The following MARCHF7 variants were observed in gnomAD, a reference collection of about 807,000 sequenced individuals.
MARCHF7 encodes E3 ubiquitin-protein ligase MARCHF7.
In MARCHF7, 20 loss-of-function variants were observed where a neutral mutation model predicts 76.5. The ratio of observed to expected loss-of-function variants is 0.26; its 90% CI spans 0.18 to 0.38. The LOEUF is 0.38. Ranked by LOEUF, MARCHF7 falls within the 10% of genes least tolerant of loss-of-function variation. The probability of loss-of-function intolerance (pLI) is 1.00; values close to 1 mark genes in which losing one functional copy is unlikely to be tolerated. For synonymous variants in MARCHF7, 295 were observed against 293.0 expected (o/e 1.01, Z -0.07); for missense variants, 797 against 812.9 (o/e 0.98, Z 0.24).
chr2:159,715,991 T>C (rs1250627141), intron 3 of MARCHF7, among the ~76,000 whole-genome samples: 1 of 152,196 alleles, frequency 6.6e-6, no homozygotes, highest in African/African-American at 2.4e-5. Context: ...GGAGAACAGT[T>C]TGCCTTTTAC....
intron 7 of MARCHF7, 86 bp from the exon 8 acceptor site, chr2:159,752,316 A>C: frequency 7.7e-7 from 1 of 1,299,890 alleles, no homozygotes; most frequent in Non-Finnish European, 1.0e-6. Context: ...AGAAATAACA[A>C]AAAAGAAAGC....
intron 10 of MARCHF7, among the ~76,000 whole-genome samples, chr2:159,763,297 TAAAAC>T (rs1248208071): frequency 1.3e-5 from 2 of 152,134 alleles, no homozygotes; most frequent in Non-Finnish European, 1.5e-5. Context: ...TTTTTATTAT[TAAAAC>T]AAAACCTCAG....
intron 3 of MARCHF7, among the ~76,000 whole-genome samples, chr2:159,726,983 A>G (rs757948400): frequency 2.6e-5 from 4 of 152,260 alleles, no homozygotes; most frequent in Non-Finnish European, 5.9e-5. Context: ...TATATAATCC[A>G]GGTATTAGAC....
chr2:159,764,670 C>G lies in MARCHF7; in HGVS notation c.2052C>G (p.Leu684=), dbSNP rs748722727. 2 of 1,599,926 alleles carry G rather than the reference C, an allele frequency of 1.3e-6. No individual in the cohort carries two copies. The highest frequency in any genetic ancestry group is 1.1e-5 in the South Asian group (1 of 88,748). ...CTCTTCAGGCACATATGGAAGATCT[C>G]GAAAGTAGGTGGAATTTCCCCTCCC... The part of the protein sequence containing the change: ...ARTLQAHMED[L]ETSEDDSEED... The change falls in exon 11 of 12, where the codon CTC becomes CTG. Residue 684 remains leucine, a synonymous_variant. Transcript: ENST00000409175.
chr2:159,760,722 T>G (rs1442902517), intron 9 of MARCHF7, among the ~76,000 whole-genome samples: 3 of 150,136 alleles, frequency 2.0e-5, no homozygotes, highest in African/African-American at 4.9e-5. Flanking sequence ...TTTGTTTTTG[T>G]TTTTGTTTTT....
Position 159,743,139 on chromosome 2 carries a change from TCAAGATC to T in MARCHF7, c.233_239del (p.Ser78CysfsTer32). On this transcript the variant is annotated frameshift_variant, in exon 5 of 12. Transcript: ENST00000409175. LOFTEE classifies it high-confidence loss of function. ...ATCTGAGATAACTCAGGGAGCACGC[TCAAGATC>T]GCAGAACCAGCAACGGGATCATGAT... The T allele has an allele frequency of 6.2e-7, 1 of 1,614,182 alleles. No individual in the cohort carries two copies. Among genetic ancestry groups the T allele is most frequent in the Non-Finnish European group, 8.5e-7 (1 of 1,180,026 alleles).
At position 159,767,440 on chromosome 2, in the gene MARCHF7, C is replaced by G; in HGVS notation, c.*98C>G. The G allele has an allele frequency of 1.3e-6, 1 of 762,486 alleles. No individual in the cohort carries two copies. The highest frequency in any genetic ancestry group is 1.6e-5 in the South Asian group (1 of 62,322). 47.2% of individuals were successfully genotyped at this position (762,486 alleles called of 1,614,324 possible). ...TTTGTGGGGGAATGCCTAATAAATA[C>G]ATTGACTATATATAAAATGAATATA... is the stretch of plus-strand genomic sequence containing the variant. On this transcript the variant is annotated 3_prime_UTR_variant, in exon 12 of 12. Coordinates refer to ENST00000409175, the MANE Select transcript of MARCHF7 (RefSeq NM_001282805.2).
intron 8 of MARCHF7, among the ~76,000 whole-genome samples, chr2:159,756,579 C>CGGGA (rs2125674684): frequency 6.7e-6 from 1 of 148,886 alleles, no homozygotes; most frequent in Admixed American, 6.7e-5. Context: ...CCCAGCTACT[C>CGGGA]GGGAGGCTGA....
At chr2:159,744,864 GTAAA>G (rs1704652604) in intron 5 of MARCHF7, among the ~76,000 whole-genome samples, 1 of 152,160 alleles carries the variant, frequency 6.6e-6, no homozygotes, top group Non-Finnish European at 1.5e-5. Context: ...AAATTTCAAG[GTAAA>G]TAGTGAAGGA....
At chr2:159,718,514 C>T (rs1280050987) in intron 3 of MARCHF7, among the ~76,000 whole-genome samples, 1 of 151,928 alleles carries the variant, frequency 6.6e-6, no homozygotes, top group Non-Finnish European at 1.5e-5. Context: ...AATAATGGGA[C>T]ACAGTGATCC....
chr2:159,730,309 G>A (rs1702633084), intron 4 of MARCHF7, among the ~76,000 whole-genome samples: 1 of 152,112 alleles, frequency 6.6e-6, no homozygotes, highest in South Asian at 2.1e-4. Context: ...TGATGTTGAG[G>A]TAATCTAAAA....
intron 6 of MARCHF7, 31 bp from the exon 7 acceptor site, chr2:159,747,774 A>G (rs757173891): frequency 2.6e-6 from 4 of 1,527,760 alleles, no homozygotes; most frequent in Non-Finnish European, 1.8e-6. Flanking sequence ...AAATTATTTC[A>G]TGTAATTGGT....
intron 5 of MARCHF7, 32 bp downstream of exon 5, chr2:159,743,285 C>A: frequency 4.4e-6 from 7 of 1,580,772 alleles, no homozygotes; most frequent in Non-Finnish European, 6.0e-6. Context: ...TATTTTAAGC[C>A]GTTTTTCTCC....
At chr2:159,764,804 T>A in intron 11 of MARCHF7, 130 bp downstream of exon 11, 1 of 519,538 alleles carries the variant, frequency 1.9e-6, no homozygotes, top group Non-Finnish European at 3.3e-6. Flanking sequence ...ACCAAAATGA[T>A]TGATTTGGGA....
At chr2:159,746,320 A>G (rs143229165) in intron 6 of MARCHF7, among the ~76,000 whole-genome samples, 2 of 152,372 alleles carry the variant, frequency 1.3e-5, no homozygotes, top group Admixed American at 6.5e-5. Context: ...TCACCATTTT[A>G]AGGCATAATT....
In MARCHF7 at chr2:159,743,217, G is replaced by A. The variant is rs372655786; in HGVS notation, c.310G>A (p.Gly104Arg). Residue 104 changes from glycine (G) to arginine (R), a missense_variant, in exon 5 of 12, where the codon GGG (glycine) becomes AGG (arginine). By Grantham distance (125) the Gly-to-Arg change is moderately radical. Transcript: ENST00000409175. ...LSCTNCTTSA[G>R]RNVGNGLNTL... is the part of the protein sequence containing the mutation. Reference sequence around the variant, plus strand: ...CTGTACAAACTGTACTACCTCAGCTGGGAGAAATGTTGGAAATGGTTTAAA... The same window carrying A: ...CTGTACAAACTGTACTACCTCAGCTAGGAGAAATGTTGGAAATGGTTTAAA... 1 of 1,613,754 alleles carries A rather than the reference G, an allele frequency of 6.2e-7. No homozygotes were observed. Among genetic ancestry groups the A allele is most frequent in the African/African-American group, 1.3e-5 (1 of 74,894 alleles).
At position 159,762,477 on chromosome 2, in the gene MARCHF7, A is replaced by C. The variant is rs189673820; in HGVS notation, c.1894-403A>C. 1.8e-4 allele frequency among the ~76,000 whole-genome samples: 27 copies of C among 152,340 alleles called. No homozygotes were observed. The East Asian group carries it at 3.5e-3, about 20-fold the overall frequency. ...TGTTCATCATATTACACAGAAAAAC[A>C]CTTGAGCTATCAGAATAGATTTTAG... On this transcript the variant is annotated intron_variant, in intron 9 of 11. Coordinates refer to ENST00000409175, the MANE Select transcript of MARCHF7 (RefSeq NM_001282805.2).
At chr2:159,764,735 C>A (rs912815975) in intron 11 of MARCHF7, 61 bp downstream of exon 11, 38 of 1,367,436 alleles carry the variant, frequency 2.8e-5, no homozygotes, top group Middle Eastern at 1.8e-4. Flanking sequence ...AAACCCAAAG[C>A]AAAACCTAAG....
At chr2:159,748,994 T>C (rs1705266767) in intron 7 of MARCHF7, 91 bp downstream of exon 7, 2 of 1,307,736 alleles carry the variant, frequency 1.5e-6, no homozygotes. Flanking sequence ...TTTTTTTTTT[T>C]TTGAGACGGA....
Sources: allele counts gnomAD v4.1 joint callset (sites outside exome capture counted in the v4.1 genomes callset), GRCh38; gene constraint gnomAD v4.1.1; transcripts MANE v1.5; gene names NCBI Gene and HGNC (gene_info 2026-07-23, HGNC 2026-07-21).